SLAMF9: variants seen among roughly 807,000 people sequenced by gnomAD.
SLAMF9 encodes the protein CD2 family member 10.
SLAMF9 carries 25 observed loss-of-function variants against 30.4 expected under a neutral mutation model. The observed-to-expected ratio is 0.82, with a 90% confidence interval of 0.60 to 1.15. The LOEUF (loss-of-function observed/expected upper bound fraction) is 1.15, where lower values mean the gene tolerates loss of function less well. Ranked by LOEUF, SLAMF9 falls within the 50% of genes most tolerant of loss-of-function variation. SLAMF9 has a pLI of 0.00. For synonymous variants in SLAMF9, 129 were observed against 127.2 expected, an observed-to-expected ratio of 1.01 and a Z score of -0.09; for missense variants, 344 against 346.1, an observed-to-expected ratio of 0.99 and a Z score of 0.05.
chr1:159,981,141 T>C, the SLAMF9 span, among the ~76,000 whole-genome samples: 20 of 152,056 alleles, frequency 1.3e-4, no homozygotes, highest in African/African-American at 4.8e-4. Context: ...TAAAGAGTAA[T>C]CAATTTAAAA....
At chr1:159,973,635 G>C in the SLAMF9 span, among the ~76,000 whole-genome samples, 39 of 152,246 alleles carry the variant, frequency 2.6e-4, no homozygotes, top group African/African-American at 8.9e-4. Flanking sequence ...TGGGGAGATG[G>C]GGGTATTGAG....
the SLAMF9 span, chr1:159,976,978 G>GAAAGAAAGA: frequency 4.6e-5 from 2 of 43,156 alleles, no homozygotes; most frequent in African/African-American, 9.1e-5. Flanking sequence ...AAGAAGGAAA[G>GAAAGAAAGA]AAGGAAAGAA....
the SLAMF9 span, chr1:159,976,809 T>C: frequency 1.3e-5 from 2 of 151,198 alleles, no homozygotes; most frequent in South Asian, 4.2e-4. Context: ...CCTGTAGTCC[T>C]AACTATTCAG....
Position 159,953,457 on chromosome 1 carries a change from G to C in SLAMF9, c.243C>G (p.His81Gln), listed in dbSNP as rs570157487. Residue 81 changes from histidine to glutamine, a missense_variant, in exon 2 of 4, where the codon CAC (histidine) becomes CAG (glutamine). Coordinates refer to ENST00000368093, the MANE Select transcript of SLAMF9 (RefSeq NM_033438.4). ...HPATIMVTNPHYQGQVSFLDP... is the reference protein window; with the variant it reads ...HPATIMVTNPQYQGQVSFLDP... ...CCAGGAAGCTCACTTGGCCCTGGTA[G>C]TGTGGATTGGTCACCATGATGGTAG... 1.9e-6 allele frequency: 3 copies of C among 1,614,120 alleles called. No individual in the cohort carries two copies. In the African/African-American group the frequency reaches 4.0e-5, roughly 22 times the overall value.
the SLAMF9 span, among the ~76,000 whole-genome samples, chr1:159,981,838 G>A: frequency 6.6e-6 from 1 of 152,266 alleles, no homozygotes; most frequent in Non-Finnish European, 1.5e-5. Flanking sequence ...TAAGAGGCGA[G>A]CTCTGTTCTG....
chr1:159,972,187 C>T, the SLAMF9 span, among the ~76,000 whole-genome samples: 1 of 152,156 alleles, frequency 6.6e-6, no homozygotes, highest in East Asian at 1.9e-4. Context: ...TGTTCGTGCC[C>T]TGTGTGTGCC....
At chr1:159,977,726 A>C in the SLAMF9 span, among the ~76,000 whole-genome samples, 2 of 152,232 alleles carry the variant, frequency 1.3e-5, no homozygotes, top group Non-Finnish European at 2.9e-5. Context: ...CTGTGCAGAC[A>C]GGCACAGAAG....
In SLAMF9 at chr1:159,952,420, C is replaced by A; in HGVS notation, c.506G>T (p.Trp169Leu). Reference protein sequence around the residue: ...EKAGMDMTYSWLSRGDSTYTF... With the variant: ...EKAGMDMTYSLLSRGDSTYTF... ...ATAAGTGCTATCCCCCCGGGAGAGC[C>A]AGCTGTAGGTCATATCCATGCCTGC... is the stretch of plus-strand genomic sequence containing the variant. The change falls in exon 3 of 4, where the codon TGG becomes TTG. Residue 169 changes from tryptophan (W) to leucine (L), a missense_variant. Coordinates refer to ENST00000368093, the MANE Select transcript of SLAMF9 (RefSeq NM_033438.4). 6.2e-7 allele frequency: 1 copy of A among 1,614,088 alleles called. No individual in the cohort carries two copies. Among genetic ancestry groups the A allele is most frequent in the Non-Finnish European group, 8.5e-7 (1 of 1,180,000 alleles).
At chr1:159,970,591 TAC>T in the SLAMF9 span, among the ~76,000 whole-genome samples, 21 of 152,338 alleles carry the variant, frequency 1.4e-4, no homozygotes, top group East Asian at 4.0e-3. Context: ...ATAGTTTGGA[TAC>T]TGAGCTTGTT....
upstream of SLAMF9, among the ~76,000 whole-genome samples, chr1:159,955,485 A>T (rs545609018): frequency 2.8e-4 from 42 of 152,380 alleles, no homozygotes; most frequent in African/African-American, 1.0e-3. Context: ...AGGAAGACGT[A>T]TTCAGCTTTG....
chr1:159,958,507 C>T (rs1253342735), upstream of SLAMF9, among the ~76,000 whole-genome samples: 1 of 151,748 alleles, frequency 6.6e-6, no homozygotes, highest in Non-Finnish European at 1.5e-5. Flanking sequence ...ATCACCCAGG[C>T]TGGAGTGCAG....
chr1:159,975,819 GC>G, the SLAMF9 span, among the ~76,000 whole-genome samples: 1 of 152,098 alleles, frequency 6.6e-6, no homozygotes, highest in African/African-American at 2.4e-5. Context: ...AGGGTGAGGG[GC>G]AAAAGAGAGG....
the SLAMF9 span, chr1:159,974,158 T>C: frequency 1.2e-6 from 1 of 860,018 alleles, no homozygotes; most frequent in Non-Finnish European, 1.9e-6. Flanking sequence ...CTGCTGGGGA[T>C]GGAGGCCCTT....
the SLAMF9 span, among the ~76,000 whole-genome samples, chr1:159,974,870 C>A: frequency 7.2e-5 from 11 of 152,320 alleles, no homozygotes; most frequent in African/African-American, 2.6e-4. Context: ...CCATTATGAG[C>A]AAGAAGAACA....
the SLAMF9 span, among the ~76,000 whole-genome samples, chr1:159,960,111 C>T: frequency 6.6e-6 from 1 of 151,354 alleles, no homozygotes; most frequent in Non-Finnish European, 1.5e-5. Flanking sequence ...GTGTGCTGCA[C>T]CCATTAACTC....
At chr1:159,969,850 C>A in the SLAMF9 span, among the ~76,000 whole-genome samples, 1 of 152,130 alleles carries the variant, frequency 6.6e-6, no homozygotes, top group Non-Finnish European at 1.5e-5. Flanking sequence ...CAAGAGTCAC[C>A]TGGGTAACAT....
the SLAMF9 span, among the ~76,000 whole-genome samples, chr1:159,960,150 T>A: frequency 6.7e-6 from 1 of 148,630 alleles, no homozygotes; most frequent in Non-Finnish European, 1.5e-5. Flanking sequence ...TATCTCCTAA[T>A]GCTATCCCTC....
chr1:159,955,105 A>G (rs1027589784), upstream of SLAMF9, among the ~76,000 whole-genome samples: 1 of 149,236 alleles, frequency 6.7e-6, no homozygotes, highest in South Asian at 2.1e-4. Context: ...AAGAGAGAAG[A>G]AAAAAAAAAG....
intron 3 of SLAMF9, 91 bp from the exon 4 acceptor site, chr1:159,951,957 C>T: frequency 9.3e-7 from 1 of 1,078,824 alleles, no homozygotes. Context: ...ATGAAGGGGT[C>T]TCAAGTTCAC....
Sources: gnomAD v4.1 joint callset for allele counts (sites outside exome capture counted in the v4.1 genomes callset) on GRCh38, gnomAD v4.1.1 for gene constraint, MANE v1.5 for transcripts, NCBI Gene and HGNC (gene_info 2026-07-23, HGNC 2026-07-21) for gene names.